ACOX2: variants seen among roughly 807,000 people sequenced by gnomAD.
ACOX2 encodes the protein peroxisomal acyl-coenzyme A oxidase 2.
A neutral mutation model predicts 77.5 loss-of-function variants in ACOX2; 59 were observed. The ratio of observed to expected loss-of-function variants is 0.76; its 90% CI spans 0.62 to 0.95. The LOEUF is 0.95. ACOX2 is among the 40% of genes least tolerant of loss of function. ACOX2 has a pLI of 0.00. For synonymous variants in ACOX2, 317 were observed against 340.1 expected (o/e 0.93, Z 0.75); for missense variants, 837 against 880.4 (o/e 0.95, Z 0.62).
chr3:58,533,063 C>T lies in ACOX2; in HGVS notation c.583+382G>A, dbSNP rs1296365029. On this transcript the variant is annotated intron_variant, in intron 5 of 14. Coordinates refer to ENST00000302819, the MANE Select transcript of ACOX2 (RefSeq NM_003500.4). This position sits in a 1 kb window ranked among gnomAD's most constrained non-coding sequence, Gnocchi z 5.6. ...CCACTGTGTCATCACAGGGCCTGTG[C>T]TCTGGCTGGTGGCAAGCTCTGCCAC... Among the ~76,000 whole-genome samples the T allele has an allele frequency of 6.6e-6, 1 of 152,122 alleles. No individual in the cohort carries two copies. The highest frequency in any genetic ancestry group is 1.5e-5 in the Non-Finnish European group (1 of 68,018).
At chr3:58,507,681 T>A (rs1193472087) in intron 14 of ACOX2, among the ~76,000 whole-genome samples, 1 of 152,204 alleles carries the variant, frequency 6.6e-6, no homozygotes, top group African/African-American at 2.4e-5. Flanking sequence ...AAATGTTAGA[T>A]CTAATCATTA....
Position 58,526,407 on chromosome 3 carries a change from C to A in ACOX2, c.1346+59G>T. ...GCCTCAGACGGAACCCTCCACCCAACAGAAGCTTGGTGGGTCCCCAAGGGC... is the reference window on the plus strand; with the variant it reads ...GCCTCAGACGGAACCCTCCACCCAAAAGAAGCTTGGTGGGTCCCCAAGGGC... On this transcript the variant is annotated intron_variant, in intron 10 of 14. Transcript: ENST00000302819. This position sits in a 1 kb window ranked among gnomAD's most constrained non-coding sequence, Gnocchi z 4.3. The A allele has an allele frequency of 1.3e-6, 2 of 1,526,110 alleles. No homozygotes were observed. Among genetic ancestry groups the A allele is most frequent in the South Asian group, 2.6e-5 (2 of 78,304 alleles). 94.5% of individuals were successfully genotyped at this position (1,526,110 alleles called of 1,614,324 possible). A position where few individuals can be genotyped will look rare whatever the true frequency, so the allele number is the denominator to read the frequency against.
Position 58,524,264 on chromosome 3 carries a change from C to T in ACOX2, c.1526+162G>A, listed in dbSNP as rs916218014. Among the ~76,000 whole-genome samples, 4 of 152,230 alleles carry T rather than the reference C, an allele frequency of 2.6e-5. No homozygotes were observed. Among genetic ancestry groups the T allele is most frequent in the African/African-American group, 7.2e-5 (3 of 41,458 alleles). On this transcript the variant is annotated intron_variant, in intron 11 of 14. Coordinates refer to ENST00000302819, the MANE Select transcript of ACOX2 (RefSeq NM_003500.4). This position sits in a 1 kb window ranked among gnomAD's most constrained non-coding sequence, Gnocchi z 5.5. ...ATGGCTGATGGGGGGGACATCCCCT[C>T]TCTCTGCCCATGGTGGCAGGAACTG... is the stretch of plus-strand genomic sequence containing the variant.
chr3:58,519,209 C>T lies in ACOX2; in HGVS notation c.1633-1786G>A, dbSNP rs1157057559. Among the ~76,000 whole-genome samples the T allele has an allele frequency of 3.3e-5, 5 of 152,018 alleles. No individual in the cohort carries two copies. The highest frequency in any genetic ancestry group is 3.3e-4 in the Admixed American group (5 of 15,278). On this transcript the variant is annotated intron_variant, in intron 12 of 14. Coordinates refer to ENST00000302819, the MANE Select transcript of ACOX2 (RefSeq NM_003500.4). This position sits in a 1 kb window ranked among gnomAD's most constrained non-coding sequence, Gnocchi z 5.0. ...GACCAGCCTGGCCAACATGGCAAAACCCTGTCTCTACAAAAAATACAAAAA... is the reference window on the plus strand; with the variant it reads ...GACCAGCCTGGCCAACATGGCAAAATCCTGTCTCTACAAAAAATACAAAAA...
Position 58,524,343 on chromosome 3 carries a change from G to A in ACOX2, c.1526+83C>T. ...GGTTTTTAGAACTGAATCCACGAAT[G>A]TCCACCCAACCAATCCAAAGGCCCT... On this transcript the variant is annotated intron_variant, in intron 11 of 14. Transcript: ENST00000302819. The surrounding 1 kb of genome is among the most constrained non-coding windows in gnomAD (Gnocchi z 5.5). 6.6e-7 allele frequency: 1 copy of A among 1,517,332 alleles called. No individual in the cohort carries two copies. The highest frequency in any genetic ancestry group is 1.9e-5 in the Admixed American group (1 of 52,776). The allele number at this position is 1,517,332 out of a possible 1,614,324, so 94.0% of individuals were successfully genotyped here.
In ACOX2 at chr3:58,523,459, G is replaced by A. The variant is rs2063373363; in HGVS notation, c.1527-858C>T. On this transcript the variant is annotated intron_variant, in intron 11 of 14. Transcript: ENST00000302819. The surrounding 1 kb of genome is among the most constrained non-coding windows in gnomAD (Gnocchi z 5.3). ...TATAGGCAGTTAATAAATATTTTTG[G>A]AATAAATAAATGAATGTTCCAAGTT... 6.6e-6 allele frequency among the ~76,000 whole-genome samples: 1 copy of A among 152,088 alleles called. No individual in the cohort carries two copies. The highest frequency in any genetic ancestry group is 2.4e-5 in the African/African-American group (1 of 41,400).
Position 58,530,598 on chromosome 3 carries a change from T to C in ACOX2, c.860A>G (p.Gln287Arg). The C allele has an allele frequency of 6.2e-7, 1 of 1,614,224 alleles. No homozygotes were observed. Residue 287 changes from glutamine (Q) to arginine (R), a missense_variant, in exon 8 of 15, where the codon CAG becomes CGG. Physicochemically the swap from Gln to Arg is conservative, Grantham distance 43. Coordinates refer to ENST00000302819, the MANE Select transcript of ACOX2 (RefSeq NM_003500.4). ...DGTYVKLGTA[Q>R]SNYLPMVVVR... is the part of the protein sequence containing the mutation. ...CACCACCATGGGAAGGTAGTTGCTC[T>C]GTGCTGTACCGAGTTTGACGTAGGT...
chr3:58,532,056 CA>C (rs139503774), intron 5 of ACOX2, among the ~76,000 whole-genome samples: 11,485 of 152,188 alleles, frequency 0.075, 691 homozygotes, highest in African/African-American at 0.16. Context: ...ACTCTGTCAT[CA>C]ACCTTATAAT....
chr3:58,527,106 A>G (rs141001745), intron 9 of ACOX2, among the ~76,000 whole-genome samples: 1,583 of 152,250 alleles, frequency 0.01, 27 homozygotes, highest in African/African-American at 0.036. Context: ...CTCAAGGGTT[A>G]GGGCTAGGAT....
At chr3:58,536,110 C>CA (rs2063479437) in intron 1 of ACOX2, among the ~76,000 whole-genome samples, 1 of 152,038 alleles carries the variant, frequency 6.6e-6, no homozygotes, top group African/African-American at 2.4e-5. Flanking sequence ...CTACTCCACT[C>CA]ACCTCTCTCC....
chr3:58,517,448 T>C, intron 12 of ACOX2, 25 bp from the exon 13 acceptor site: 2 of 1,606,968 alleles, frequency 1.2e-6, no homozygotes, highest in Non-Finnish European at 1.7e-6. Flanking sequence ...AGATATGTTC[T>C]CCTGATTTCT....
chr3:58,531,752 C>G lies in ACOX2; in HGVS notation c.644G>C (p.Arg215Pro). 1.2e-6 allele frequency: 2 copies of G among 1,614,198 alleles called. No individual in the cohort carries two copies. The highest frequency in any genetic ancestry group is 1.1e-5 in the South Asian group (1 of 91,082). The change falls in exon 6 of 15, where the codon CGG becomes CCG. Residue 215 changes from arginine (R) to proline (P), a missense_variant. Transcript: ENST00000302819. The surrounding 1 kb of genome is among the most constrained non-coding windows in gnomAD (Gnocchi z 5.8). ...QAQLICSGAR[R>P]GMHAFIVPIR... ...TGGCACAATAAAAGCGTGCATGCCC[C>G]GCCTGGCTCCTGAGCAGATCAGCTG...
Position 58,533,504 on chromosome 3 carries a change from G to A in ACOX2, c.524C>T (p.Thr175Ile). 6.2e-7 allele frequency: 1 copy of A among 1,613,988 alleles called. No homozygotes were observed. The highest frequency in any genetic ancestry group is 8.5e-7 in the Non-Finnish European group (1 of 1,179,978). Residue 175 changes from threonine to isoleucine, a missense_variant, in exon 5 of 15, where the codon ACC (threonine) becomes ATC (isoleucine). By Grantham distance (89) the Thr-to-Ile change is moderately conservative. Transcript: ENST00000302819. This position sits in a 1 kb window ranked among gnomAD's most constrained non-coding sequence, Gnocchi z 5.6. ...GGGGCTGTGTATCACAAACTCCTGG[G>A]TGGCTGCGTCATAGGTGGCTTCAGT... ...LETEATYDAA[T>I]QEFVIHSPTL...
Position 58,515,180 on chromosome 3 carries a change from C to A in ACOX2, c.1850+2026G>T, listed in dbSNP as rs930211598. The stretch of plus-strand genomic sequence containing the variant: ...GGATTACAGGCATGTGCCATCACAC[C>A]CAGCTAATTTTTGTATTTTTAGTAG... On this transcript the variant is annotated intron_variant, in intron 13 of 14. Transcript: ENST00000302819. The surrounding 1 kb of genome is among the most constrained non-coding windows in gnomAD (Gnocchi z 4.0). 1.6e-4 allele frequency among the ~76,000 whole-genome samples: 25 copies of A among 152,202 alleles called. No homozygotes were observed. Among genetic ancestry groups the A allele is most frequent in the Non-Finnish European group, 5.9e-5 (4 of 68,042 alleles).
Position 58,514,339 on chromosome 3 carries a change from C to T in ACOX2, c.1850+2867G>A, listed in dbSNP as rs952725651. 2.6e-5 allele frequency among the ~76,000 whole-genome samples: 4 copies of T among 152,052 alleles called. No homozygotes were observed. The highest frequency in any genetic ancestry group is 7.2e-5 in the African/African-American group (3 of 41,404). ...ATTCACTGATGTTTTAGTAGGGTTT[C>T]GGGAAAGAACAGAAGTAAATGCATA... On this transcript the variant is annotated intron_variant, in intron 13 of 14. Transcript: ENST00000302819. This position sits in a 1 kb window ranked among gnomAD's most constrained non-coding sequence, Gnocchi z 4.3.
Position 58,519,934 on chromosome 3 carries a change from C to A in ACOX2, c.1633-2511G>T, listed in dbSNP as rs2107997185. 6.6e-6 allele frequency among the ~76,000 whole-genome samples: 1 copy of A among 152,348 alleles called. No homozygotes were observed. Among genetic ancestry groups the A allele is most frequent in the East Asian group, 1.9e-4 (1 of 5,172 alleles). ...TCTGAGAGCCACATCCTCAAATGCT[C>A]AAGGCTCTGAGTTGAGGAGTGGAGT... On this transcript the variant is annotated intron_variant, in intron 12 of 14. Transcript: ENST00000302819. The surrounding 1 kb of genome is among the most constrained non-coding windows in gnomAD (Gnocchi z 5.0).
At position 58,508,899 on chromosome 3, in the gene ACOX2, ATTGG is replaced by A. The variant is rs753226045; in HGVS notation, c.1973_1976del (p.Thr658IlefsTer12). 1.9e-6 allele frequency: 3 copies of A among 1,614,180 alleles called. No individual in the cohort carries two copies. The highest frequency in any genetic ancestry group is 1.3e-5 in the African/African-American group (1 of 75,054). ...ATGTGTTCCACTCAACTACCTGAGTATTGGTTGGTGACTTCTGAGCCCACTGGAA... is the reference window on the plus strand; with the variant it reads ...ATGTGTTCCACTCAACTACCTGAGTATTGGTGACTTCTGAGCCCACTGGAA... On this transcript the variant is annotated frameshift_variant, in exon 14 of 15. Coordinates refer to ENST00000302819, the MANE Select transcript of ACOX2 (RefSeq NM_003500.4). LOFTEE classifies it high-confidence loss of function.
chr3:58,524,054 G>A lies in ACOX2; in HGVS notation c.1526+372C>T, dbSNP rs1022029013. On this transcript the variant is annotated intron_variant, in intron 11 of 14. Coordinates refer to ENST00000302819, the MANE Select transcript of ACOX2 (RefSeq NM_003500.4). This position sits in a 1 kb window ranked among gnomAD's most constrained non-coding sequence, Gnocchi z 5.5. ...TTTTAGATTATGGGATATTTCAAAC[G>A]TACGAGTGAGTATTGCTTTATTTAT... Among the ~76,000 whole-genome samples, 1 of 152,154 alleles carries A rather than the reference G, an allele frequency of 6.6e-6. No individual in the cohort carries two copies. The highest frequency in any genetic ancestry group is 1.5e-5 in the Non-Finnish European group (1 of 68,032).
rs921010127 is a variant in ACOX2 at position 58,526,668 on chromosome 3, T to C, written c.1156-12A>G. On this transcript the variant is annotated splice_polypyrimidine_tract_variant and intron_variant, in intron 9 of 14. Coordinates refer to ENST00000302819, the MANE Select transcript of ACOX2 (RefSeq NM_003500.4). The surrounding 1 kb of genome is among the most constrained non-coding windows in gnomAD (Gnocchi z 4.3). ...CTCAGTGCGTGGAGCTGTGAGAACATGGAGGGGGGTTGGGCGGTGTTAGGG... is the reference window on the plus strand; with the variant it reads ...CTCAGTGCGTGGAGCTGTGAGAACACGGAGGGGGGTTGGGCGGTGTTAGGG... The C allele has an allele frequency of 4.3e-6, 7 of 1,611,564 alleles. No homozygotes were observed. Among genetic ancestry groups the C allele is most frequent in the East Asian group, 2.2e-5 (1 of 44,846 alleles).
Sources: gnomAD v4.1 joint callset for allele counts (sites outside exome capture counted in the v4.1 genomes callset) on GRCh38, gnomAD v4.1.1 for gene constraint, Gnocchi (gnomAD v3.1) non-coding constraint, MANE v1.5 for transcripts, NCBI Gene and HGNC (gene_info 2026-07-23, HGNC 2026-07-21) for gene names.